The following BCKDHB variants were observed in gnomAD, a reference collection of about 807,000 sequenced individuals.
BCKDHB encodes branched chain keto acid dehydrogenase E1 subunit beta.
BCKDHB carries 41 observed loss-of-function variants against 48.5 expected under a neutral mutation model. That is an observed-to-expected ratio of 0.85 (90% CI 0.66 to 1.10). BCKDHB has a LOEUF of 1.10. Ranked by LOEUF, BCKDHB falls within the 50% of genes least tolerant of loss-of-function variation. The pLI is 0.00. For missense variants in BCKDHB, 496 were observed against 494.2 expected (o/e 1.00, Z -0.03); for synonymous variants, 201 against 174.8 (o/e 1.15, Z -1.18).
the BCKDHB span, among the ~76,000 whole-genome samples, chr6:80,377,056 T>C: frequency 7.7e-6 from 1 of 130,454 alleles, no homozygotes; most frequent in Admixed American, 7.6e-5. Context: ...TTTTTTTTTT[T>C]TTGATGAAGT....
At chr6:80,457,137 T>C in the BCKDHB span, among the ~76,000 whole-genome samples, 1 of 152,178 alleles carries the variant, frequency 6.6e-6, no homozygotes, top group Non-Finnish European at 1.5e-5. Flanking sequence ...TTTGGTGGCA[T>C]TTTAAATTAC....
the BCKDHB span, among the ~76,000 whole-genome samples, chr6:80,439,784 A>G: frequency 2.6e-5 from 4 of 152,350 alleles, no homozygotes; most frequent in South Asian, 8.3e-4. Context: ...GGCCTGGGAT[A>G]GAGAATAGAG....
At chr6:80,262,274 C>T (rs1777338109) in intron 8 of BCKDHB, among the ~76,000 whole-genome samples, 2 of 152,166 alleles carry the variant, frequency 1.3e-5, no homozygotes, top group Admixed American at 6.5e-5. Context: ...TGCCCATGAC[C>T]AAATATGGTA....
At chr6:80,241,536 GCTGGAGGTC>G (rs1214329436) in intron 8 of BCKDHB, among the ~76,000 whole-genome samples, 1 of 152,188 alleles carries the variant, frequency 6.6e-6, no homozygotes, top group Admixed American at 6.5e-5. Context: ...GTTGGAGTTT[GCTGGAGGTC>G]CACTCCAGAC....
chr6:80,341,135 T>G (rs1769882311), intron 9 of BCKDHB, among the ~76,000 whole-genome samples: 1 of 152,226 alleles, frequency 6.6e-6, no homozygotes, highest in African/African-American at 2.4e-5. Flanking sequence ...TTCTCTTATA[T>G]ATCCTTGAAT....
the BCKDHB span, among the ~76,000 whole-genome samples, chr6:80,359,751 C>G: frequency 6.6e-6 from 1 of 152,022 alleles, no homozygotes; most frequent in East Asian, 1.9e-4. Flanking sequence ...CGTGCCACCA[C>G]GCCTGGCTAA....
rs572796436 is a variant in BCKDHB at position 80,171,808 on chromosome 6, A to G, written c.742+418A>G. 4.1e-4 allele frequency among the ~76,000 whole-genome samples: 62 copies of G among 152,240 alleles called. 1 individual carries two copies. The South Asian group carries it at 0.012, about 31-fold the overall frequency. On this transcript the variant is annotated intron_variant, in intron 6 of 9. Coordinates refer to ENST00000320393, the MANE Select transcript of BCKDHB (RefSeq NM_183050.4). ...TGTGAAGGAGGTGCTGTTAACAATT[A>G]TGCTGTGCTGTCAGGTCTATGCTGG...
intron 9 of BCKDHB, among the ~76,000 whole-genome samples, chr6:80,340,444 A>G (rs926910558): frequency 5.3e-5 from 8 of 152,208 alleles, no homozygotes; most frequent in Non-Finnish European, 1.0e-4. Flanking sequence ...GAACTGAGCC[A>G]GCTTACATAC....
chr6:80,364,493 T>C, the BCKDHB span, among the ~76,000 whole-genome samples: 2 of 152,184 alleles, frequency 1.3e-5, no homozygotes, highest in Non-Finnish European at 2.9e-5. Flanking sequence ...ACAGCCCTAC[T>C]TTCTGATGTT....
the BCKDHB span, among the ~76,000 whole-genome samples, chr6:80,396,681 A>G: frequency 2.6e-5 from 4 of 152,168 alleles, no homozygotes; most frequent in African/African-American, 7.2e-5. Context: ...TGTTCTTGTG[A>G]TAGTCAGTGA....
chr6:80,184,739 A>G (rs2490250), intron 6 of BCKDHB, among the ~76,000 whole-genome samples: 99,563 of 151,988 alleles, frequency 0.66, 33,457 homozygotes, highest in African/African-American at 0.8. Context: ...TAATTATTTT[A>G]TTTAAGGAGG....
intron 8 of BCKDHB, among the ~76,000 whole-genome samples, chr6:80,242,775 T>C (rs1190764827): frequency 2.6e-5 from 4 of 152,170 alleles, no homozygotes; most frequent in African/African-American, 9.7e-5. Context: ...GTGGGGACTA[T>C]TGACTAACAT....
chr6:80,464,151 G>A, the BCKDHB span, among the ~76,000 whole-genome samples: 1 of 151,796 alleles, frequency 6.6e-6, no homozygotes, highest in Admixed American at 6.6e-5. Context: ...CTTTTGAAGT[G>A]GAGTCTCACT....
chr6:80,258,492 A>G (rs1248634755), intron 8 of BCKDHB, among the ~76,000 whole-genome samples: 1 of 152,258 alleles, frequency 6.6e-6, no homozygotes, highest in African/African-American at 2.4e-5. Context: ...GTTCTGTTGA[A>G]TAAAATGTTC....
the BCKDHB span, among the ~76,000 whole-genome samples, chr6:80,384,612 C>G: frequency 6.6e-6 from 1 of 152,114 alleles, no homozygotes; most frequent in African/African-American, 2.4e-5. Flanking sequence ...CTGCCTTGGC[C>G]TCCCAAAGTG....
intron 9 of BCKDHB, among the ~76,000 whole-genome samples, chr6:80,305,675 A>C (rs1308323611): frequency 1.3e-5 from 2 of 152,142 alleles, no homozygotes; most frequent in Non-Finnish European, 2.9e-5. Flanking sequence ...TGTTGAAGCA[A>C]AGGAGCCCCC....
intron 8 of BCKDHB, among the ~76,000 whole-genome samples, chr6:80,227,115 A>G (rs1775712961): frequency 6.6e-6 from 1 of 152,234 alleles, no homozygotes; most frequent in South Asian, 2.1e-4. Context: ...TACTTCTTGG[A>G]TTACTACAGT....
chr6:80,193,136 A>G (rs1773975676), intron 6 of BCKDHB, among the ~76,000 whole-genome samples: 2 of 152,110 alleles, frequency 1.3e-5, no homozygotes, highest in African/African-American at 4.8e-5. Flanking sequence ...TTTGGCAACT[A>G]TTTTGAAAAG....
intron 9 of BCKDHB, among the ~76,000 whole-genome samples, chr6:80,314,715 G>C (rs1768348931): frequency 6.6e-6 from 1 of 152,174 alleles, no homozygotes; most frequent in Admixed American, 6.5e-5. Flanking sequence ...AACAACCAAG[G>C]TGGTGGCCTG....
Sources: allele counts gnomAD v4.1 joint callset (sites outside exome capture counted in the v4.1 genomes callset), GRCh38; gene constraint gnomAD v4.1.1; transcripts MANE v1.5; gene names NCBI Gene and HGNC (gene_info 2026-07-23, HGNC 2026-07-21).